CHD8: variants seen among roughly 807,000 people sequenced by gnomAD.
CHD8 encodes the protein ATP-dependent chromatin remodeler CHD8.
Under a neutral mutation model 279.2 loss-of-function variants are expected in CHD8, and 31 were observed. That is an observed-to-expected ratio of 0.11 (90% confidence interval 0.08 to 0.15). The LOEUF is 0.15. Ranked by LOEUF, CHD8 falls within the 10% of genes least tolerant of loss-of-function variation. The pLI, the probability that CHD8 is intolerant of heterozygous loss-of-function variation, is 1.00. For missense variants in CHD8, 2,146 were observed against 3,230.5 expected (o/e 0.66, Z 8.14); for synonymous variants, 1,081 against 1,139.6 (o/e 0.95, Z 1.04).
rs1471020927 is a variant in CHD8, at chr14:21,394,388, G to A, written c.5488C>T (p.Arg1830Cys). The change falls in exon 31 of 38, where the codon CGC becomes TGC. Residue 1830 changes from arginine (R) to cysteine (C), a missense_variant. By Grantham distance (180) the Arg-to-Cys change is radical. Coordinates refer to ENST00000646647, the MANE Select transcript of CHD8 (RefSeq NM_001170629.2). ...DTMQFHWDRF[R>C]TFARLDKKTD... ...TTTTTGTCTAGTCGAGCAAAAGTGC[G>A]GAAGCGATCCCAATGGAACTGCATG... The A allele has an allele frequency of 6.2e-6, 10 of 1,613,902 alleles. No homozygotes were observed. Among genetic ancestry groups the A allele is most frequent in the South Asian group, 2.2e-5 (2 of 91,074 alleles).
chr14:21,450,591 T>TA (rs1890233460), intron 1 of CHD8, among the ~76,000 whole-genome samples: 1 of 151,836 alleles, frequency 6.6e-6, no homozygotes, highest in Non-Finnish European at 1.5e-5. Context: ...AAGTTTGAGG[T>TA]TGCAGTGAGC....
At chr14:21,395,267 C>T in intron 29 of CHD8, 31 bp downstream of exon 29, 1 of 1,575,730 alleles carries the variant, frequency 6.3e-7, no homozygotes, top group Non-Finnish European at 8.7e-7. Flanking sequence ...CCACCCCACA[C>T]AGAATTATAC....
At chr14:21,449,160 C>T (rs997068260) in intron 1 of CHD8, among the ~76,000 whole-genome samples, 2 of 151,882 alleles carry the variant, frequency 1.3e-5, no homozygotes, top group South Asian at 2.1e-4. Flanking sequence ...GGCGACAGAG[C>T]GAGACTTCAT....
In CHD8 at chr14:21,400,748, C is replaced by A; in HGVS notation, c.4370+127G>T. The A allele has an allele frequency of 7.8e-7, 1 of 1,289,644 alleles. No individual in the cohort carries two copies. Among genetic ancestry groups the A allele is most frequent in the Non-Finnish European group, 1.1e-6 (1 of 947,034 alleles). 79.9% of individuals were successfully genotyped at this position (1,289,644 alleles called of 1,614,324 possible). On this transcript the variant is annotated intron_variant, in intron 22 of 37. Transcript: ENST00000646647. The surrounding 1 kb of genome is among the most constrained non-coding windows in gnomAD (Gnocchi z 4.2). ...CAGAATAAACAGAACAAACTCCCTCCAAGGCAAATATTTTTTCACATTATC... is the reference window on the plus strand; with the variant it reads ...CAGAATAAACAGAACAAACTCCCTCAAAGGCAAATATTTTTTCACATTATC...
intron 1 of CHD8, chr14:21,437,327 C>G (rs898166891): frequency 1.9e-6 from 2 of 1,058,254 alleles, no homozygotes; most frequent in Non-Finnish European, 2.4e-6. Context: ...CTGCCACTCA[C>G]CAAAGGCGAA....
At chr14:21,446,317 C>CTT (rs71112587) in intron 1 of CHD8, among the ~76,000 whole-genome samples, 3,047 of 137,486 alleles carry the variant, frequency 0.022, 113 homozygotes, top group African/African-American at 0.057. Context: ...TCTTCTTCTT[C>CTT]TTTTTTTTTT....
intron 26 of CHD8, chr14:21,399,017 C>T (rs1034380281): frequency 3.2e-5 from 13 of 405,590 alleles, no homozygotes; most frequent in African/African-American, 6.3e-5. Flanking sequence ...CCAAGATCCA[C>T]GACAAGGAGG....
rs1404624479 is a variant in CHD8, at chr14:21,406,748, T to C, written c.2907+108A>G. 15 of 978,926 alleles carry C rather than the reference T, an allele frequency of 1.5e-5. No homozygotes were observed. In the South Asian group the frequency reaches 2.5e-4, roughly 16 times the overall value. The allele number at this position is 978,926 out of a possible 1,614,324, so 60.6% of individuals were successfully genotyped here. ...CCCATAGGTCATCCCCACTGTTCAA[T>C]ACCACGATTCAGACTTTTCTTCTCT... On this transcript the variant is annotated intron_variant, in intron 14 of 37. Coordinates refer to ENST00000646647, the MANE Select transcript of CHD8 (RefSeq NM_001170629.2).
intron 5 of CHD8, among the ~76,000 whole-genome samples, chr14:21,420,921 C>T (rs1306011084): frequency 1.3e-5 from 2 of 152,130 alleles, no homozygotes; most frequent in Non-Finnish European, 2.9e-5. Flanking sequence ...CACCACCATG[C>T]CCAGCTAATT....
chr14:21,389,564 T>C (rs1887435645), intron 37 of CHD8, among the ~76,000 whole-genome samples: 1 of 152,152 alleles, frequency 6.6e-6, no homozygotes, highest in African/African-American at 2.4e-5. Flanking sequence ...TGAGCTGAGA[T>C]TGTGGCACTG....
At chr14:21,390,685 C>T (rs776436839) in intron 37 of CHD8, among the ~76,000 whole-genome samples, 19 of 151,084 alleles carry the variant, frequency 1.3e-4, no homozygotes, top group Non-Finnish European at 1.9e-4. Flanking sequence ...GGCTGATGCA[C>T]GAGAATTGCT....
chr14:21,393,013 A>C (rs890503626), intron 33 of CHD8, 93 bp downstream of exon 33: 10 of 1,403,388 alleles, frequency 7.1e-6, no homozygotes, highest in Non-Finnish European at 9.6e-6. Flanking sequence ...ACACAATTTT[A>C]AAAATCCAGA....
rs1555316390 is a variant in CHD8, at chr14:21,414,984, C to A, written c.1978G>T (p.Gly660Ter). The change falls in exon 8 of 38, where the codon GGA (glycine) becomes TGA (stop). Residue 660 changes from glycine (G) to a stop codon, truncating the protein, a stop_gained. Coordinates refer to ENST00000646647, the MANE Select transcript of CHD8 (RefSeq NM_001170629.2). LOFTEE classifies it high-confidence loss of function. ...MRIVKKELPS[G>*]QYTEAEEFFV... ...AATTCTTCTGCTTCAGTATATTGTC[C>A]AGAAGGGAGCTAAGAAAAAAGAAAT... 1 of 1,592,360 alleles carries A rather than the reference C, an allele frequency of 6.3e-7. No individual in the cohort carries two copies. Among genetic ancestry groups the A allele is most frequent in the Admixed American group, 1.8e-5 (1 of 57,040 alleles).
intron 34 of CHD8, 93 bp from the exon 35 acceptor site, chr14:21,392,039 C>T (rs571680877): frequency 1.1e-6 from 1 of 909,096 alleles, no homozygotes; most frequent in East Asian, 2.4e-5. Flanking sequence ...ATAGGTCATC[C>T]TCTTGCCCAA....
At chr14:21,397,597 A>G (rs1402040983) in intron 27 of CHD8, 1 of 477,520 alleles carries the variant, frequency 2.1e-6, no homozygotes, top group Non-Finnish European at 3.9e-6. Flanking sequence ...CAAATAGAAC[A>G]TCAAATAAGC....
intron 2 of CHD8, 117 bp from the exon 3 acceptor site, chr14:21,429,452 T>C (rs777098139): frequency 2.9e-6 from 3 of 1,023,026 alleles, no homozygotes; most frequent in East Asian, 4.7e-5. Context: ...GAAGACACAG[T>C]ACAACTCACT....
intron 1 of CHD8, among the ~76,000 whole-genome samples, chr14:21,440,070 T>C (rs531895638): frequency 5.9e-5 from 9 of 152,290 alleles, no homozygotes; most frequent in African/African-American, 2.2e-4. Flanking sequence ...TGTGTATGTA[T>C]GTGGGAAGAG....
intron 5 of CHD8, among the ~76,000 whole-genome samples, chr14:21,423,864 G>A (rs990192016): frequency 2.0e-5 from 3 of 152,106 alleles, no homozygotes; most frequent in East Asian, 1.9e-4. Flanking sequence ...CATTTCAAAG[G>A]TGAGGAAATT....
intron 16 of CHD8, among the ~76,000 whole-genome samples, chr14:21,404,606 C>A (rs1285715716): frequency 1.3e-5 from 2 of 152,056 alleles, no homozygotes; most frequent in Admixed American, 1.3e-4. Context: ...ACAGAGTAAC[C>A]TAAGAGTGTT....
Sources: gnomAD v4.1 joint callset for allele counts (sites outside exome capture counted in the v4.1 genomes callset) on GRCh38, gnomAD v4.1.1 for gene constraint, Gnocchi (gnomAD v3.1) non-coding constraint, MANE v1.5 for transcripts, NCBI Gene and HGNC (gene_info 2026-07-23, HGNC 2026-07-21) for gene names.